The following ARFIP1 variants were observed in gnomAD, a reference collection of about 807,000 sequenced individuals.
ARFIP1 encodes arfaptin-1.
In ARFIP1, 24 loss-of-function variants were observed where a neutral mutation model predicts 42.5. That is an observed-to-expected ratio of 0.57 (90% CI 0.41 to 0.80). The LOEUF (loss-of-function observed/expected upper bound fraction) is 0.80. Ranked by LOEUF, ARFIP1 falls within the 30% of genes least tolerant of loss-of-function variation. The pLI is 0.00. For missense variants in ARFIP1, 354 were observed against 434.0 expected (o/e 0.82, Z 1.64); for synonymous variants, 141 against 153.7 (o/e 0.92, Z 0.61).
At chr4:152,857,605 T>A (rs1277995128) in intron 2 of ARFIP1, among the ~76,000 whole-genome samples, 1 of 152,182 alleles carries the variant, frequency 6.6e-6, no homozygotes, top group Non-Finnish European at 1.5e-5. Context: ...TTAATTTCAG[T>A]TAGCACAGTT....
chr4:152,847,330 G>T (rs1208930183), intron 2 of ARFIP1, among the ~76,000 whole-genome samples: 2 of 150,944 alleles, frequency 1.3e-5, no homozygotes, highest in Non-Finnish European at 3.0e-5. Flanking sequence ...ACAGGGTTTC[G>T]CCATGTTGGC....
intron 1 of ARFIP1, among the ~76,000 whole-genome samples, chr4:152,783,890 A>G (rs555268877): frequency 2.8e-4 from 42 of 152,210 alleles, no homozygotes; most frequent in Middle Eastern, 6.8e-3. Context: ...AAAGAATTGT[A>G]AGTATTATAA....
intron 8 of ARFIP1, among the ~76,000 whole-genome samples, chr4:152,901,844 T>C (rs1737863544): frequency 6.6e-6 from 1 of 152,254 alleles, no homozygotes; most frequent in Non-Finnish European, 1.5e-5. Context: ...TTTATTTCTT[T>C]CGTCTGCTCC....
intron 1 of ARFIP1, among the ~76,000 whole-genome samples, chr4:152,786,572 T>C (rs1013413566): frequency 1.3e-5 from 2 of 152,236 alleles, no homozygotes; most frequent in Non-Finnish European, 2.9e-5. Context: ...ACTTTTACAA[T>C]AGCCTCCATT....
At chr4:152,793,772 G>A (rs572679487) in intron 1 of ARFIP1, among the ~76,000 whole-genome samples, 2 of 152,144 alleles carry the variant, frequency 1.3e-5, no homozygotes, top group African/African-American at 4.8e-5. Context: ...CATGGATAAG[G>A]TGGGGGACCT....
intron 2 of ARFIP1, among the ~76,000 whole-genome samples, chr4:152,840,780 G>A (rs982540504): frequency 6.7e-6 from 1 of 148,294 alleles, no homozygotes; most frequent in Admixed American, 6.8e-5. Flanking sequence ...GTGCAATGGC[G>A]CAATCTCGGC....
At chr4:152,782,057 T>C (rs955381022) in intron 1 of ARFIP1, among the ~76,000 whole-genome samples, 6 of 151,950 alleles carry the variant, frequency 3.9e-5, no homozygotes, top group African/African-American at 1.4e-4. Context: ...TGTGTGTGTA[T>C]GTGTGTGTGT....
chr4:152,787,793 C>A (rs980507621), intron 1 of ARFIP1, among the ~76,000 whole-genome samples: 3 of 152,104 alleles, frequency 2.0e-5, no homozygotes, highest in Non-Finnish European at 2.9e-5. Flanking sequence ...CCTGAAGATA[C>A]CTCATTATGC....
At chr4:152,801,822 A>G (rs1279825160) in intron 1 of ARFIP1, among the ~76,000 whole-genome samples, 1 of 152,138 alleles carries the variant, frequency 6.6e-6, no homozygotes, top group Non-Finnish European at 1.5e-5. Flanking sequence ...GTGTGCTATA[A>G]TTTTACATTT....
At chr4:152,781,040 A>G (rs948981489) in intron 1 of ARFIP1, among the ~76,000 whole-genome samples, 1 of 152,066 alleles carries the variant, frequency 6.6e-6, no homozygotes, top group Admixed American at 6.5e-5. Flanking sequence ...TCATCTAACT[A>G]CATTATTATT....
intron 8 of ARFIP1, among the ~76,000 whole-genome samples, chr4:152,889,319 T>TTG (rs1313628107): frequency 6.6e-6 from 1 of 151,442 alleles, no homozygotes; most frequent in Admixed American, 6.6e-5. Flanking sequence ...GTCCAGCACT[T>TTG]TCACTGACTT....
intron 2 of ARFIP1, among the ~76,000 whole-genome samples, chr4:152,839,594 C>A (rs1460112790): frequency 6.6e-6 from 1 of 152,024 alleles, no homozygotes; most frequent in Non-Finnish European, 1.5e-5. Flanking sequence ...CCTTGAGTGA[C>A]CTTTTGTTTG....
chr4:152,849,373 T>A (rs1222837218), intron 2 of ARFIP1, among the ~76,000 whole-genome samples: 4 of 152,252 alleles, frequency 2.6e-5, no homozygotes, highest in African/African-American at 9.6e-5. Context: ...AGTGTGTCGT[T>A]ATTTATAAAC....
intron 1 of ARFIP1, among the ~76,000 whole-genome samples, chr4:152,815,861 C>T (rs1158640534): frequency 6.6e-6 from 1 of 150,594 alleles, no homozygotes; most frequent in East Asian, 2.0e-4. Context: ...TCTCCTGCCT[C>T]AGCCTCCCAA....
At chr4:152,884,310 T>C (rs1736096216) in intron 7 of ARFIP1, among the ~76,000 whole-genome samples, 1 of 151,960 alleles carries the variant, frequency 6.6e-6, no homozygotes. Flanking sequence ...GTAAATCCTT[T>C]CATGGAAATT....
At chr4:152,896,514 T>C in intron 8 of ARFIP1, among the ~76,000 whole-genome samples, 1 of 152,180 alleles carries the variant, frequency 6.6e-6, no homozygotes, top group African/African-American at 2.4e-5. Flanking sequence ...GTACAGTATC[T>C]TGTATGTAAG....
At chr4:152,825,319 A>G (rs1730744428) in intron 1 of ARFIP1, among the ~76,000 whole-genome samples, 1 of 152,178 alleles carries the variant, frequency 6.6e-6, no homozygotes, top group African/African-American at 2.4e-5. Flanking sequence ...AGGCTATAGT[A>G]AACCAAAACA....
intron 8 of ARFIP1, among the ~76,000 whole-genome samples, chr4:152,889,767 C>G (rs1440530291): frequency 7.1e-4 from 13 of 18,238 alleles, no homozygotes; most frequent in African/African-American, 2.5e-3. Context: ...ATATACTATA[C>G]TATATACTAT....
At chr4:152,875,311 TTAAG>T (rs1735227176) in intron 5 of ARFIP1, among the ~76,000 whole-genome samples, 2 of 151,476 alleles carry the variant, frequency 1.3e-5, no homozygotes, top group African/African-American at 4.8e-5. Flanking sequence ...TATGGTTTAC[TTAAG>T]TTTTTGATTT....
Sources: gnomAD v4.1 joint callset for allele counts (sites outside exome capture counted in the v4.1 genomes callset) on GRCh38, gnomAD v4.1.1 for gene constraint, MANE v1.5 for transcripts, NCBI Gene and HGNC (gene_info 2026-07-23, HGNC 2026-07-21) for gene names.